Variants in TRMT44 observed in about 807,000 individuals in gnomAD.
TRMT44 encodes tRNA methyltransferase 44 homolog, also known as probable tRNA (uracil-O(2)-)-methyltransferase.
Under a neutral mutation model 77.3 loss-of-function variants are expected in TRMT44, and 78 were observed. The ratio of observed to expected loss-of-function variants is 1.01; its 90% CI spans 0.84 to 1.22. The LOEUF (loss-of-function observed/expected upper bound fraction) is 1.22. Among genes scored for constraint, TRMT44 ranks in the 50% most tolerant of loss-of-function variants. The pLI, the probability that TRMT44 is intolerant of heterozygous loss-of-function variation, is 0.00. For synonymous variants in TRMT44, 391 were observed against 383.3 expected, an observed-to-expected ratio of 1.02 and a Z score of -0.23; for missense variants, 1,090 against 964.4, an observed-to-expected ratio of 1.13 and a Z score of -1.73.
At position 8,454,428 on chromosome 4, in the gene TRMT44, GC is replaced by G. The variant is rs552250022; in HGVS notation, c.1132-313del. Reference sequence around the variant, plus strand: ...TAACAACCATTCCAAGCTCTTAGAGGCGTAGGCAAATATGTGCAGGCCATCA... The same window carrying G: ...TAACAACCATTCCAAGCTCTTAGAGGGTAGGCAAATATGTGCAGGCCATCA... On this transcript the variant is annotated intron_variant, in intron 5 of 10. Transcript: ENST00000389737. 664 of 331,218 alleles carry G rather than the reference GC, an allele frequency of 2.0e-3. 2 individuals are homozygous for G. Among genetic ancestry groups the G allele is most frequent in the Non-Finnish European group, 3.1e-3 (559 of 178,600 alleles). 20.5% of individuals were successfully genotyped at this position (331,218 alleles called of 1,614,324 possible).
intron 9 of TRMT44, among the ~76,000 whole-genome samples, chr4:8,469,028 T>G (rs548227731): frequency 2.3e-4 from 35 of 152,334 alleles, no homozygotes; most frequent in African/African-American, 8.2e-4. Flanking sequence ...TCCCGGCCCC[T>G]CCGTCGGTGA....
At chr4:8,491,930 G>A (rs1728020608) in intron 2 of TRMT44, among the ~76,000 whole-genome samples, 2 of 152,268 alleles carry the variant, frequency 1.3e-5, no homozygotes, top group South Asian at 4.1e-4. Flanking sequence ...GGCACTGAGA[G>A]CGAGCGAGGG....
intron 1 of TRMT44, 73 bp downstream of exon 1, chr4:8,441,514 A>T (rs1724696213): frequency 1.1e-5 from 15 of 1,426,720 alleles, no homozygotes; most frequent in Non-Finnish European, 1.3e-5. Context: ...TCAATGAAAA[A>T]GTCCTAAGGG....
At chr4:8,491,790 C>A (rs1002873214) in intron 2 of TRMT44, among the ~76,000 whole-genome samples, 1 of 152,248 alleles carries the variant, frequency 6.6e-6, no homozygotes, top group Non-Finnish European at 1.5e-5. Flanking sequence ...TCGCGCCTCT[C>A]CCTCCACACA....
intron 6 of TRMT44, among the ~76,000 whole-genome samples, chr4:8,456,310 C>T (rs533631032): frequency 3.9e-5 from 6 of 152,260 alleles, no homozygotes; most frequent in South Asian, 4.1e-4. Flanking sequence ...CCTAGTGAAA[C>T]GTGATCTCTG....
At chr4:8,498,764 C>G in the TRMT44 span, among the ~76,000 whole-genome samples, 1 of 152,166 alleles carries the variant, frequency 6.6e-6, no homozygotes, top group Admixed American at 6.5e-5. This position sits in a 1 kb window ranked among gnomAD's most constrained non-coding sequence, Gnocchi z 4.3. Flanking sequence ...TGAGTAGAAG[C>G]GATGCCACTG....
Position 8,475,805 on chromosome 4 carries a change from G to T in TRMT44, c.2078G>T (p.Arg693Leu), listed in dbSNP as rs145982044. 5 of 1,614,166 alleles carry T rather than the reference G, an allele frequency of 3.1e-6. No homozygotes were observed. The highest frequency in any genetic ancestry group is 1.6e-4 in the Middle Eastern group (1 of 6,062). Residue 693 changes from arginine (R) to leucine (L), a missense_variant, in exon 11 of 11, where the codon CGA becomes CTA. Arg to Leu is a moderately radical substitution (Grantham distance 102). Transcript: ENST00000389737. ...GGGAGAGTTCACATCCGCGACTGGC[G>T]AGAGGAGACACTGTGGAAGACAAAG... Reference protein sequence around the residue: ...VNGRVHIRDWREETLWKTKQP... With the variant: ...VNGRVHIRDWLEETLWKTKQP...
At chr4:8,474,831 A>G (rs1158216218) in intron 10 of TRMT44, among the ~76,000 whole-genome samples, 2 of 152,026 alleles carry the variant, frequency 1.3e-5, no homozygotes, top group African/African-American at 2.4e-5. Context: ...TCTCGGCCCA[A>G]TTTGGGCGGC....
At chr4:8,514,234 G>A in the TRMT44 span, among the ~76,000 whole-genome samples, 15 of 150,580 alleles carry the variant, frequency 1.0e-4, no homozygotes, top group Non-Finnish European at 1.9e-4. Context: ...CCCACAGGAC[G>A]AGGCCTGGGC....
intron 2 of TRMT44, among the ~76,000 whole-genome samples, chr4:8,487,138 G>A (rs1727836359): frequency 6.6e-6 from 1 of 152,168 alleles, no homozygotes. Flanking sequence ...CTTGCAGGAT[G>A]GAAAAATTGA....
At chr4:8,443,129 C>T (rs1184641616) in intron 1 of TRMT44, among the ~76,000 whole-genome samples, 1 of 152,204 alleles carries the variant, frequency 6.6e-6, no homozygotes, top group East Asian at 1.9e-4. Flanking sequence ...TTGTAAGACT[C>T]TAGGTGTCCT....
the TRMT44 span, among the ~76,000 whole-genome samples, chr4:8,502,053 T>C: frequency 6.6e-6 from 1 of 152,222 alleles, no homozygotes; most frequent in Non-Finnish European, 1.5e-5. Context: ...GGGCTATTGA[T>C]TGTTTTGTTC....
At position 8,452,857 on chromosome 4, in the gene TRMT44, T is replaced by G; in HGVS notation, c.1024-25T>G. The G allele has an allele frequency of 2.9e-6, 4 of 1,395,476 alleles. No individual in the cohort carries two copies. The highest frequency in any genetic ancestry group is 2.9e-6 in the Non-Finnish European group (3 of 1,029,940). The allele number at this position is 1,395,476 out of a possible 1,614,324, so 86.4% of individuals were successfully genotyped here. Reference sequence around the variant, plus strand: ...GCGTAGAGTGAATTACCACCTGACTTTGTTTTGTTTTTCTCTTCACTTAGA... The same window carrying G: ...GCGTAGAGTGAATTACCACCTGACTGTGTTTTGTTTTTCTCTTCACTTAGA... On this transcript the variant is annotated intron_variant, in intron 4 of 10. Coordinates refer to ENST00000389737, the MANE Select transcript of TRMT44 (RefSeq NM_152544.3). This position sits in a 1 kb window ranked among gnomAD's most constrained non-coding sequence, Gnocchi z 5.7.
chr4:8,468,458 G>T, intron 9 of TRMT44, 112 bp downstream of exon 9: 1 of 1,134,896 alleles, frequency 8.8e-7, no homozygotes, highest in South Asian at 1.3e-5. Context: ...TACACACTTT[G>T]AAAAAGCCAT....
chr4:8,479,175 A>C (rs1241862530), downstream of TRMT44: 1 of 151,984 alleles, frequency 6.6e-6, no homozygotes, highest in Non-Finnish European at 1.5e-5. Flanking sequence ...GTGGATTGAG[A>C]AGAGAGTCCC....
At chr4:8,466,223 G>T (rs780642961) in intron 8 of TRMT44, among the ~76,000 whole-genome samples, 7 of 152,224 alleles carry the variant, frequency 4.6e-5, no homozygotes, top group Non-Finnish European at 8.8e-5. Context: ...AAATAACCCC[G>T]TCGTGTCCAG....
At chr4:8,457,763 C>T (rs972523282) in intron 6 of TRMT44, among the ~76,000 whole-genome samples, 24 of 152,010 alleles carry the variant, frequency 1.6e-4, no homozygotes, top group African/African-American at 5.6e-4. Context: ...TATAGCAGAG[C>T]CAGTCAAGGA....
intron 3 of TRMT44, 70 bp downstream of exon 3, chr4:8,449,958 T>TTTTTC: frequency 2.7e-6 from 2 of 734,508 alleles, no homozygotes; most frequent in Non-Finnish European, 3.9e-6. Context: ...TCTTTTTTTT[T>TTTTTC]TTTTTTTTTT....
chr4:8,455,973 A>G (rs1467748865), intron 6 of TRMT44, among the ~76,000 whole-genome samples: 3 of 152,260 alleles, frequency 2.0e-5, no homozygotes, highest in Non-Finnish European at 4.4e-5. Context: ...AATGCATTAA[A>G]TATACGTACA....
Sources: gnomAD v4.1 joint callset for allele counts (sites outside exome capture counted in the v4.1 genomes callset) on GRCh38, gnomAD v4.1.1 for gene constraint, Gnocchi (gnomAD v3.1) non-coding constraint, MANE v1.5 for transcripts, NCBI Gene and HGNC (gene_info 2026-07-23, HGNC 2026-07-21) for gene names.